Variants in LAPTM4A observed in about 807,000 individuals in gnomAD.
LAPTM4A encodes lysosomal-associated transmembrane protein 4A.
LAPTM4A carries 19 observed loss-of-function variants against 29.9 expected under a neutral mutation model. The ratio of observed to expected loss-of-function variants is 0.64; its 90% confidence interval spans 0.44 to 0.93. The LOEUF (loss-of-function observed/expected upper bound fraction) is 0.93, where lower values mean the gene tolerates loss of function less well. LAPTM4A is among the 40% of genes least tolerant of loss of function. The pLI is 0.00. For missense variants in LAPTM4A, 293 were observed against 288.5 expected (o/e 1.02, Z -0.11); for synonymous variants, 105 against 102.1 (o/e 1.03, Z -0.17).
intron 1 of LAPTM4A, among the ~76,000 whole-genome samples, chr2:20,050,877 T>A (rs1674046672): frequency 6.6e-6 from 1 of 152,204 alleles, no homozygotes; most frequent in Non-Finnish European, 1.5e-5. Flanking sequence ...AAGAGAGGCA[T>A]GAAACAAAAC....
chr2:20,041,394 G>A (rs540593135), intron 1 of LAPTM4A, among the ~76,000 whole-genome samples: 2 of 152,078 alleles, frequency 1.3e-5, no homozygotes, highest in Non-Finnish European at 2.9e-5. Context: ...TCAGATGCCC[G>A]AAACCCCTCC....
At chr2:20,049,677 A>G (rs1674009759) in intron 1 of LAPTM4A, among the ~76,000 whole-genome samples, 1 of 152,236 alleles carries the variant, frequency 6.6e-6, no homozygotes, top group Admixed American at 6.5e-5. Flanking sequence ...AAATGGTGGT[A>G]TTCTCTTCTT....
intron 1 of LAPTM4A, among the ~76,000 whole-genome samples, chr2:20,042,206 C>A (rs1396762596): frequency 6.6e-6 from 1 of 152,174 alleles, no homozygotes; most frequent in Non-Finnish European, 1.5e-5. Flanking sequence ...CTCAAGTGAT[C>A]CTCCTGCTTT....
chr2:20,041,898 C>T (rs939951338), intron 1 of LAPTM4A, among the ~76,000 whole-genome samples: 1 of 152,162 alleles, frequency 6.6e-6, no homozygotes, highest in African/African-American at 2.4e-5. Context: ...TACCTGAAAA[C>T]AGCCTCCAAA....
At position 20,051,468 on chromosome 2, in the gene LAPTM4A, C is replaced by T; in HGVS notation, c.53G>A (p.Arg18Gln). 6.2e-7 allele frequency: 1 copy of T among 1,613,528 alleles called. No individual in the cohort carries two copies. Among genetic ancestry groups the T allele is most frequent in the Non-Finnish European group, 8.5e-7 (1 of 1,179,754 alleles). The change falls in exon 1 of 7, where the codon CGG (arginine) becomes CAG (glutamine). Residue 18 changes from arginine to glutamine, a missense_variant. Arg to Gln is a conservative substitution (Grantham distance 43). Transcript: ENST00000175091. ...GCGGACATGGCAACAGCCGCAGCAC[C>T]GGGTGCTGTAGAACCGGTCACTGCG... The part of the protein sequence containing the change: ...RNRSDRFYST[R>Q]CCGCCHVRTG...
chr2:20,049,082 A>G lies in LAPTM4A; in HGVS notation c.111+2328T>C, dbSNP rs192744696. Among the ~76,000 whole-genome samples, 5 of 152,308 alleles carry G rather than the reference A, an allele frequency of 3.3e-5. No homozygotes were observed. The East Asian group carries it at 9.6e-4, about 29-fold the overall frequency. Reference sequence around the variant, plus strand: ...ACCTTCTCCTCCTCCTCATCACTGTACCATATGTTTTTCATATCTGTGCTC... The same window carrying G: ...ACCTTCTCCTCCTCCTCATCACTGTGCCATATGTTTTTCATATCTGTGCTC... On this transcript the variant is annotated intron_variant, in intron 1 of 6. Coordinates refer to ENST00000175091, the MANE Select transcript of LAPTM4A (RefSeq NM_014713.5).
Position 20,034,399 on chromosome 2 carries a change from C to T in LAPTM4A, c.545G>A (p.Cys182Tyr), listed in dbSNP as rs777744776. 6 of 1,612,236 alleles carry T rather than the reference C, an allele frequency of 3.7e-6. No individual in the cohort carries two copies. In the South Asian group the frequency reaches 6.6e-5, roughly 18 times the overall value. The stretch of plus-strand genomic sequence containing the variant: ...GATGTATTTATAGCAGTTCCAAACA[C>T]AGTTAATTAGATAAGCCTGGAAGAA... ...FIIFKAYLIN[C>Y]VWNCYKYINN... The change falls in exon 6 of 7, where the codon TGT becomes TAT. Residue 182 changes from cysteine to tyrosine, a missense_variant. By Grantham distance (194) the Cys-to-Tyr change is radical. Coordinates refer to ENST00000175091, the MANE Select transcript of LAPTM4A (RefSeq NM_014713.5).
chr2:20,043,063 C>T (rs147705184), intron 1 of LAPTM4A, among the ~76,000 whole-genome samples: 36 of 147,324 alleles, frequency 2.4e-4, no homozygotes, highest in African/African-American at 8.1e-4. Flanking sequence ...CCTCAGTCCC[C>T]GGGGTAGCTG....
intron 1 of LAPTM4A, among the ~76,000 whole-genome samples, chr2:20,044,226 C>T (rs947747439): frequency 1.2e-4 from 19 of 152,148 alleles, no homozygotes; most frequent in African/African-American, 4.3e-4. Context: ...GCTAATACAA[C>T]TAGGTGAATT....
At chr2:20,045,930 C>T (rs1673909122) in intron 1 of LAPTM4A, among the ~76,000 whole-genome samples, 1 of 152,168 alleles carries the variant, frequency 6.6e-6, no homozygotes, top group Non-Finnish European at 1.5e-5. Flanking sequence ...AAAGCACCCA[C>T]AGGAGGGTCA....
intron 2 of LAPTM4A, among the ~76,000 whole-genome samples, chr2:20,038,632 G>C (rs1230218156): frequency 6.6e-6 from 1 of 152,036 alleles, no homozygotes; most frequent in Non-Finnish European, 1.5e-5. Context: ...CACCATGTTG[G>C]CCAGGCTGGT....
chr2:20,037,559 C>A lies in LAPTM4A; in HGVS notation c.288G>T (p.Met96Ile), dbSNP rs1189654647. Reference sequence around the variant, plus strand: ...TTACAGAAATTGCTCCATAAACCAGCATTGAACTGATTATAAACATAAGAA... The same window carrying A: ...TTACAGAAATTGCTCCATAAACCAGAATTGAACTGATTATAAACATAAGAA... ...VSVLMFIISS[M>I]LVYGAISYQV... Residue 96 changes from methionine (M) to isoleucine (I), a missense_variant, in exon 3 of 7, where the codon ATG (methionine) becomes ATT (isoleucine). Physicochemically the swap from Met to Ile is conservative, Grantham distance 10 (BLOSUM62 1). Coordinates refer to ENST00000175091, the MANE Select transcript of LAPTM4A (RefSeq NM_014713.5). 6 of 1,610,720 alleles carry A rather than the reference C, an allele frequency of 3.7e-6. No individual in the cohort carries two copies. The highest frequency in any genetic ancestry group is 5.1e-6 in the Non-Finnish European group (6 of 1,178,682).
chr2:20,048,964 T>C (rs1218337173), intron 1 of LAPTM4A, among the ~76,000 whole-genome samples: 1 of 152,246 alleles, frequency 6.6e-6, no homozygotes. Context: ...GTATTCAAGC[T>C]ACTCTTTTGA....
chr2:20,051,367 C>A, intron 1 of LAPTM4A, 43 bp downstream of exon 1: 1 of 1,320,434 alleles, frequency 7.6e-7, no homozygotes, highest in South Asian at 1.2e-5. Flanking sequence ...AGGCCCCGCT[C>A]CCCAGGCCCC....
chr2:20,047,579 A>G (rs1673957570), intron 1 of LAPTM4A, among the ~76,000 whole-genome samples: 1 of 148,886 alleles, frequency 6.7e-6, no homozygotes, highest in African/African-American at 2.5e-5. Context: ...AGTCCCAGCT[A>G]CTCGGGAGGC....
chr2:20,038,619 T>C (rs970217977), intron 2 of LAPTM4A, among the ~76,000 whole-genome samples: 1 of 151,950 alleles, frequency 6.6e-6, no homozygotes, highest in Non-Finnish European at 1.5e-5. Flanking sequence ...AGAGACGAGG[T>C]TTCACCATGT....
intron 6 of LAPTM4A, among the ~76,000 whole-genome samples, chr2:20,033,813 T>C (rs1673626529): frequency 6.6e-6 from 1 of 152,188 alleles, no homozygotes; most frequent in Admixed American, 6.5e-5. Context: ...TGGCCCTAGA[T>C]GGGCCACATA....
At chr2:20,045,823 C>A (rs1673906524) in intron 1 of LAPTM4A, among the ~76,000 whole-genome samples, 1 of 152,042 alleles carries the variant, frequency 6.6e-6, no homozygotes, top group Non-Finnish European at 1.5e-5. Context: ...TCAGTTTTCC[C>A]ACAGTAATTT....
In LAPTM4A at chr2:20,035,620, T is replaced by G. The variant is rs565085249; in HGVS notation, c.433-558A>C. Among the ~76,000 whole-genome samples, 21 of 152,352 alleles carry G rather than the reference T, an allele frequency of 1.4e-4. No individual in the cohort carries two copies. The East Asian group carries it at 3.9e-3, about 28-fold the overall frequency. On this transcript the variant is annotated intron_variant, in intron 4 of 6. Coordinates refer to ENST00000175091, the MANE Select transcript of LAPTM4A (RefSeq NM_014713.5). ...TACTGAAAAGCATCAGCTATATTCA[T>G]TTAAATACTTAATCAGCCCTGACTG... is the stretch of plus-strand genomic sequence containing the variant.
Sources: gnomAD v4.1 joint callset for allele counts (sites outside exome capture counted in the v4.1 genomes callset) on GRCh38, gnomAD v4.1.1 for gene constraint, MANE v1.5 for transcripts, NCBI Gene and HGNC (gene_info 2026-07-23, HGNC 2026-07-21) for gene names.